The following EVA1A variants were observed in gnomAD, a reference collection of about 807,000 sequenced individuals.
EVA1A encodes eva-1 homolog A, regulator of programmed cell death.
A neutral mutation model predicts 9.8 loss-of-function variants in EVA1A; 7 were observed. The observed-to-expected ratio is 0.71, with a 90% CI of 0.41 to 1.34. EVA1A has a LOEUF of 1.34. Ranked by LOEUF, EVA1A falls within the 40% of genes most tolerant of loss-of-function variation. The pLI is 0.01. For synonymous variants in EVA1A, 90 were observed against 85.6 expected (o/e 1.05, Z -0.28); for missense variants, 206 against 205.9 (o/e 1.00, Z 0.00).
intron 1 of EVA1A, among the ~76,000 whole-genome samples, chr2:75,566,272 A>G (rs189121467): frequency 6.6e-6 from 1 of 152,330 alleles, no homozygotes; most frequent in Non-Finnish European, 1.5e-5. Flanking sequence ...ATTGCCAAAT[A>G]AATCAATGTT....
intron 3 of EVA1A, among the ~76,000 whole-genome samples, chr2:75,503,513 G>A (rs1324344996): frequency 6.6e-6 from 1 of 152,190 alleles, no homozygotes; most frequent in Non-Finnish European, 1.5e-5. Flanking sequence ...GTCAGATCAT[G>A]CCCAACAGAC....
At chr2:75,497,618 G>A (rs1258206635) in intron 3 of EVA1A, among the ~76,000 whole-genome samples, 1 of 152,032 alleles carries the variant, frequency 6.6e-6, no homozygotes, top group Non-Finnish European at 1.5e-5. Context: ...GGGAGGCTGA[G>A]GCAGGCAGAT....
rs747926352 is a variant in EVA1A, at chr2:75,493,346, C to G, written c.349G>C (p.Glu117Gln). The stretch of plus-strand genomic sequence containing the variant: ...TCCAGCCGCTGGGCGCGCTCCAGCT[C>G]CTCCGCAGAGGTGAACACATTCTTG... ...LNKNVFTSAE[E>Q]LERAQRLEER... Residue 117 changes from glutamate (E) to glutamine (Q), a missense_variant, in exon 4 of 4, where the codon GAG becomes CAG. Transcript: ENST00000393913. 6.2e-7 allele frequency: 1 copy of G among 1,614,184 alleles called. No homozygotes were observed. Among genetic ancestry groups the G allele is most frequent in the Non-Finnish European group, 8.5e-7 (1 of 1,180,022 alleles).
At chr2:75,519,805 A>C (rs1184505077) in intron 2 of EVA1A, among the ~76,000 whole-genome samples, 1 of 151,452 alleles carries the variant, frequency 6.6e-6, no homozygotes, top group Non-Finnish European at 1.5e-5. Flanking sequence ...TGTATTTCAA[A>C]ACCATTCCCT....
At chr2:75,535,496 T>A (rs1675849230) in intron 1 of EVA1A, among the ~76,000 whole-genome samples, 1 of 152,204 alleles carries the variant, frequency 6.6e-6, no homozygotes, top group Admixed American at 6.5e-5. Context: ...CACATATGTT[T>A]ACTGCAGCAC....
chr2:75,518,802 T>G (rs1020837030), intron 2 of EVA1A: 12 of 985,450 alleles, frequency 1.2e-5, no homozygotes, highest in Non-Finnish European at 1.4e-5. Flanking sequence ...GACACTTGTG[T>G]ACCTTGATCA....
At chr2:75,500,504 C>A (rs546868401) in intron 3 of EVA1A, among the ~76,000 whole-genome samples, 77 of 152,082 alleles carry the variant, frequency 5.1e-4, no homozygotes, top group Admixed American at 1.6e-3. Flanking sequence ...GATATTTATT[C>A]ATGAGTACCT....
At chr2:75,554,060 G>A (rs1223453697) in intron 1 of EVA1A, among the ~76,000 whole-genome samples, 3 of 152,122 alleles carry the variant, frequency 2.0e-5, no homozygotes, top group African/African-American at 2.4e-5. Context: ...TTGACAAGAT[G>A]AGTGTGTTTG....
chr2:75,532,109 G>T (rs150668389), intron 1 of EVA1A, among the ~76,000 whole-genome samples: 1 of 133,210 alleles, frequency 7.5e-6, no homozygotes, highest in African/African-American at 2.8e-5. Flanking sequence ...GCAGTGAGCC[G>T]AGATCAGGCC....
At chr2:75,536,303 C>G (rs772160692) in intron 1 of EVA1A, among the ~76,000 whole-genome samples, 1 of 152,104 alleles carries the variant, frequency 6.6e-6, no homozygotes, top group Non-Finnish European at 1.5e-5. Flanking sequence ...CCACTGCACT[C>G]CAGCCTGGTG....
intron 1 of EVA1A, among the ~76,000 whole-genome samples, chr2:75,533,969 G>A (rs985105878): frequency 3.3e-5 from 5 of 151,518 alleles, no homozygotes; most frequent in African/African-American, 4.8e-5. Flanking sequence ...CCGCCACCAC[G>A]CCCGGCTAAT....
chr2:75,544,620 GA>G lies in EVA1A; in HGVS notation c.-192+16059del, dbSNP rs553510887. ...CAGAGAAACAAACACTGGAGTTTCT[GA>G]AAAAAAAATTAACAACATAATTAAC... is the stretch of plus-strand genomic sequence containing the variant. On this transcript the variant is annotated intron_variant, in intron 1 of 3. Transcript: ENST00000393913. 4.0e-5 allele frequency among the ~76,000 whole-genome samples: 6 copies of G among 150,756 alleles called. No homozygotes were observed. The South Asian group carries it at 6.3e-4, about 16-fold the overall frequency.
intron 1 of EVA1A, among the ~76,000 whole-genome samples, chr2:75,539,372 T>A (rs1349614093): frequency 6.6e-6 from 1 of 152,208 alleles, no homozygotes; most frequent in East Asian, 1.9e-4. Flanking sequence ...GCTTCAGGAT[T>A]AACCAAGCAT....
At chr2:75,560,529 AC>A (rs1178558916) in intron 1 of EVA1A, among the ~76,000 whole-genome samples, 150 bp downstream of exon 1, 1 of 152,174 alleles carries the variant, frequency 6.6e-6, no homozygotes, top group African/African-American at 2.4e-5. Flanking sequence ...CCAGCCTACA[AC>A]ACCTGGGCAG....
At chr2:75,532,396 T>G (rs1572973270) in intron 1 of EVA1A, among the ~76,000 whole-genome samples, 2 of 152,242 alleles carry the variant, frequency 1.3e-5, no homozygotes, top group South Asian at 4.1e-4. Flanking sequence ...AAGGTTATGT[T>G]TATTTTTATT....
intron 1 of EVA1A, among the ~76,000 whole-genome samples, chr2:75,537,926 A>C (rs893170682): frequency 2.0e-5 from 3 of 152,214 alleles, no homozygotes; most frequent in African/African-American, 7.2e-5. Flanking sequence ...TGAGCCAAAT[A>C]AACATCTTTT....
At chr2:75,520,274 A>T (rs1675188413) in intron 2 of EVA1A, among the ~76,000 whole-genome samples, 3 of 152,156 alleles carry the variant, frequency 2.0e-5, no homozygotes, top group Admixed American at 2.0e-4. Flanking sequence ...GTTTCCTATA[A>T]GAAAGAATTC....
chr2:75,546,409 G>A (rs370077617), intron 1 of EVA1A, among the ~76,000 whole-genome samples: 77 of 152,232 alleles, frequency 5.1e-4, no homozygotes, highest in Middle Eastern at 3.4e-3. Context: ...AAGAGGCTGG[G>A]GGGAAAATGC....
At chr2:75,554,422 C>T (rs1475004486) in intron 1 of EVA1A, among the ~76,000 whole-genome samples, 1 of 152,162 alleles carries the variant, frequency 6.6e-6, no homozygotes, top group Non-Finnish European at 1.5e-5. Context: ...GGCACAGCCT[C>T]AGATGCCAGG....
Sources: allele counts gnomAD v4.1 joint callset (sites outside exome capture counted in the v4.1 genomes callset), GRCh38; gene constraint gnomAD v4.1.1; transcripts MANE v1.5; gene names NCBI Gene and HGNC (gene_info 2026-07-23, HGNC 2026-07-21).